Variants in NOSIP observed in about 807,000 individuals in gnomAD.
The protein encoded by NOSIP is nitric oxide synthase-interacting protein.
NOSIP carries 25 observed loss-of-function variants against 36.4 expected under a neutral mutation model. The ratio of observed to expected loss-of-function variants is 0.69; its 90% confidence interval spans 0.50 to 0.96. NOSIP has a LOEUF of 0.96. NOSIP is among the 40% of genes least tolerant of loss of function. The pLI is 0.00. For synonymous variants in NOSIP, 187 were observed against 179.2 expected (o/e 1.04, Z -0.35); for missense variants, 370 against 429.0 (o/e 0.86, Z 1.21).
rs1375053184 is a variant in NOSIP at position 49,560,341 on chromosome 19, C to G, written c.70+281G>C. On this transcript the variant is annotated intron_variant, in intron 2 of 8. Coordinates refer to ENST00000596358, the MANE Select transcript of NOSIP (RefSeq NM_001270960.2). The surrounding 1 kb of genome is among the most constrained non-coding windows in gnomAD (Gnocchi z 4.6). ...TGACCAAGCTCAAGTGCCTGTCCCT[C>G]TTTGGGCCTCAGTTTCTTCCTCTGG... The G allele has an allele frequency of 1.7e-6, 1 of 577,194 alleles. No individual in the cohort carries two copies. Among genetic ancestry groups the G allele is most frequent in the African/African-American group, 1.9e-5 (1 of 53,380 alleles). 35.8% of individuals were successfully genotyped at this position (577,194 alleles called of 1,614,324 possible). A position where few individuals can be genotyped will look rare whatever the true frequency, so the allele number is the denominator to read the frequency against.
At position 49,555,620 on chromosome 19, in the gene NOSIP, C is replaced by T; in HGVS notation, c.*131G>A. ...CTTAGCCCGCTCTTTCAAACTCCAG[C>T]GTGCGCTGTAGGAGCACTGTTTGCA... On this transcript the variant is annotated 3_prime_UTR_variant, in exon 9 of 9. Coordinates refer to ENST00000596358, the MANE Select transcript of NOSIP (RefSeq NM_001270960.2). The T allele has an allele frequency of 7.2e-6, 5 of 695,810 alleles. No homozygotes were observed. The highest frequency in any genetic ancestry group is 5.3e-5 in the South Asian group (3 of 57,056). 43.1% of individuals were successfully genotyped at this position (695,810 alleles called of 1,614,324 possible). A position where few individuals can be genotyped will look rare whatever the true frequency, so the allele number is the denominator to read the frequency against.
At chr19:49,567,640 C>T (rs2080428744) in intron 1 of NOSIP, among the ~76,000 whole-genome samples, 2 of 152,090 alleles carry the variant, frequency 1.3e-5, no homozygotes, top group Non-Finnish European at 2.9e-5. Flanking sequence ...GTAATGCCTA[C>T]AATCAACAAG....
chr19:49,575,397 G>A (rs1396072416), intron 1 of NOSIP, among the ~76,000 whole-genome samples: 1 of 152,074 alleles, frequency 6.6e-6, no homozygotes, highest in African/African-American at 2.4e-5. Flanking sequence ...AATCACCTTG[G>A]GGAATTAGGG....
At chr19:49,568,583 T>G (rs750654408) in intron 1 of NOSIP, among the ~76,000 whole-genome samples, 2 of 152,150 alleles carry the variant, frequency 1.3e-5, no homozygotes, top group African/African-American at 2.4e-5. Flanking sequence ...ATAAGCATTA[T>G]AGCAGAACTG....
At position 49,557,145 on chromosome 19, in the gene NOSIP, G is replaced by C; in HGVS notation, c.363C>G (p.Ile121Met). The C allele has an allele frequency of 6.2e-7, 1 of 1,612,372 alleles. No homozygotes were observed. The change falls in exon 5 of 9, where the codon ATC becomes ATG. Residue 121 changes from isoleucine (I) to methionine (M), a missense_variant. Around this residue, in one of 3 missense-constraint regions of NOSIP, gnomAD observed 315 missense variants for 331.9 expected, o/e 0.95. Coordinates refer to ENST00000596358, the MANE Select transcript of NOSIP (RefSeq NM_001270960.2). Reference protein sequence around the residue: ...VRGFLEKESAIVSRPLNPFTA... With the variant: ...VRGFLEKESAMVSRPLNPFTA... The stretch of plus-strand genomic sequence containing the variant: ...TGAAAGGGTTGAGGGGCCGGCTCAC[G>C]ATAGCCGACTCCTTCTCCAGGAAGC...
chr19:49,572,645 G>A (rs2080500710), intron 1 of NOSIP, among the ~76,000 whole-genome samples: 1 of 145,526 alleles, frequency 6.9e-6, no homozygotes, highest in African/African-American at 2.6e-5. Flanking sequence ...CTGGCCATCA[G>A]ATGCTAAATT....
chr19:49,566,236 G>A (rs1327971353), intron 1 of NOSIP, among the ~76,000 whole-genome samples: 1 of 152,098 alleles, frequency 6.6e-6, no homozygotes, highest in East Asian at 1.9e-4. Flanking sequence ...TAGCCAGGAT[G>A]GTCTCGATCT....
chr19:49,557,494 C>T, intron 4 of NOSIP: 1 of 1,325,428 alleles, frequency 7.5e-7, no homozygotes. Flanking sequence ...CTCTCCTGGC[C>T]TCAGTTTCTT....
At chr19:49,577,031 A>T (rs944609920) in intron 1 of NOSIP, among the ~76,000 whole-genome samples, 1 of 152,174 alleles carries the variant, frequency 6.6e-6, no homozygotes, top group African/African-American at 2.4e-5. Flanking sequence ...TTCTTCAAAG[A>T]TCTACAAATG....
rs2122778438 is a variant in NOSIP at position 49,557,177 on chromosome 19, C to T, written c.331G>A (p.Val111Met). The change falls in exon 5 of 9, where the codon GTG becomes ATG. Residue 111 changes from valine (V) to methionine (M), a missense_variant. Val to Met is a conservative substitution (Grantham distance 21, BLOSUM62 1). This residue lies in a region of NOSIP where 315 missense variants were observed against 331.9 expected (regional missense o/e 0.95). Transcript: ENST00000596358. ...GACTCCTTCTCCAGGAAGCCCCGCACATGGTCCTGCGAGGCCGCCCGCTGA... is the reference window on the plus strand; with the variant it reads ...GACTCCTTCTCCAGGAAGCCCCGCATATGGTCCTGCGAGGCCGCCCGCTGA... ...ELQRAASQDHVRGFLEKESAI... is the reference protein window; with the variant it reads ...ELQRAASQDHMRGFLEKESAI... 6.2e-7 allele frequency: 1 copy of T among 1,610,000 alleles called. No homozygotes were observed. The highest frequency in any genetic ancestry group is 8.5e-7 in the Non-Finnish European group (1 of 1,178,512).
intron 8 of NOSIP, among the ~76,000 whole-genome samples, 182 bp downstream of exon 8, chr19:49,556,135 G>GC (rs1251030697): frequency 1.5e-5 from 1 of 64,924 alleles, no homozygotes; most frequent in African/African-American, 1.5e-4. Context: ...CTAGGAGAGC[G>GC]GAGGGGGGGA....
chr19:49,559,862 C>A, intron 3 of NOSIP, 72 bp downstream of exon 3: 2 of 1,128,254 alleles, frequency 1.8e-6, no homozygotes, highest in Non-Finnish European at 2.6e-6. Context: ...GCCAGACCCA[C>A]GCACACAGCC....
intron 8 of NOSIP, 136 bp downstream of exon 8, chr19:49,556,181 G>A (rs1371347609): frequency 2.3e-6 from 1 of 430,482 alleles, no homozygotes; most frequent in African/African-American, 3.2e-5. Flanking sequence ...GGGGGGGGGG[G>A]GCGGCCTTAC....
intron 3 of NOSIP, chr19:49,559,528 C>A: frequency 5.4e-6 from 1 of 185,716 alleles, no homozygotes; most frequent in Non-Finnish European, 1.1e-5. Context: ...AAAAAGAAAC[C>A]TGAAGGTGGC....
At chr19:49,575,522 G>C (rs1261320181) in intron 1 of NOSIP, among the ~76,000 whole-genome samples, 1 of 152,186 alleles carries the variant, frequency 6.6e-6, no homozygotes, top group Non-Finnish European at 1.5e-5. Context: ...GAAGCGACCA[G>C]CTCTGAAGTA....
chr19:49,562,962 C>A (rs906682465), intron 1 of NOSIP, among the ~76,000 whole-genome samples: 1 of 152,096 alleles, frequency 6.6e-6, no homozygotes, highest in African/African-American at 2.4e-5. Context: ...AAAATTCTCC[C>A]AAGCTTAAAC....
In NOSIP at chr19:49,557,103, C is replaced by G. The variant is rs746455698; in HGVS notation, c.405G>C (p.Ser135=). The G allele has an allele frequency of 7.4e-6, 12 of 1,611,696 alleles. No individual in the cohort carries two copies. Among genetic ancestry groups the G allele is most frequent in the Admixed American group, 1.7e-5 (1 of 59,770 alleles). ...AACCTGAGTCACCTGGGCTGGTGCC[C>G]GAGAGGGCCTTGGCTGTGAAAGGGT... The part of the protein sequence containing the change: ...PLNPFTAKAL[S]GTSPDDVQPG... Residue 135 remains serine (S), a synonymous_variant, in exon 5 of 9, where the codon TCG becomes TCC. Coordinates refer to ENST00000596358, the MANE Select transcript of NOSIP (RefSeq NM_001270960.2).
At position 49,556,592 on chromosome 19, in the gene NOSIP, C is replaced by G. The variant is rs747462873; in HGVS notation, c.682G>C (p.Asp228His). ...SERYVCAVTR[D>H]SLSNATPCAV... ...CAGGGGGTGGCGTTGCTCAGGCTGTCGCGGGTCACGGCACACACGTAGCGC... is the reference window on the plus strand; with the variant it reads ...CAGGGGGTGGCGTTGCTCAGGCTGTGGCGGGTCACGGCACACACGTAGCGC... The change falls in exon 7 of 9, where the codon GAC becomes CAC. Residue 228 changes from aspartate to histidine, a missense_variant. Physicochemically the swap from Asp to His is moderately conservative, Grantham distance 81 (BLOSUM62 -1). Coordinates refer to ENST00000596358, the MANE Select transcript of NOSIP (RefSeq NM_001270960.2). The G allele has an allele frequency of 1.9e-6, 3 of 1,606,434 alleles. No individual in the cohort carries two copies. Among genetic ancestry groups the G allele is most frequent in the Non-Finnish European group, 2.5e-6 (3 of 1,179,454 alleles).
chr19:49,563,094 C>T (rs2080356934), intron 1 of NOSIP, among the ~76,000 whole-genome samples: 1 of 152,102 alleles, frequency 6.6e-6, no homozygotes, highest in African/African-American at 2.4e-5. Flanking sequence ...GAAAATTATA[C>T]ATGTCCTGTT....
Sources: allele counts gnomAD v4.1 joint callset (sites outside exome capture counted in the v4.1 genomes callset), GRCh38; gene constraint gnomAD v4.1.1; regional missense constraint gnomAD v4.1.1; non-coding constraint Gnocchi (gnomAD v3.1); transcripts MANE v1.5; gene names NCBI Gene and HGNC (gene_info 2026-07-23, HGNC 2026-07-21).